CLIP1: variants seen among roughly 807,000 people sequenced by gnomAD.
The protein encoded by CLIP1 is CAP-Gly domain containing linker protein 1, also known as CAP-Gly domain-containing linker protein 1.
CLIP1 carries 66 observed loss-of-function variants against 161.6 expected under a neutral mutation model. The ratio of observed to expected loss-of-function variants is 0.41; its 90% CI spans 0.33 to 0.50. CLIP1 has a LOEUF of 0.50. Among genes scored for constraint, CLIP1 ranks in the 20% least tolerant of loss-of-function variants. The pLI, the probability that CLIP1 is intolerant of heterozygous loss-of-function variation, is 0.27. For missense variants in CLIP1, 1,376 were observed against 1,702.0 expected (o/e 0.81, Z 3.37); for synonymous variants, 598 against 626.2 (o/e 0.96, Z 0.67).
intron 1 of CLIP1, among the ~76,000 whole-genome samples, chr12:122,406,310 G>A (rs1956327326): frequency 6.6e-6 from 1 of 152,156 alleles, no homozygotes; most frequent in Admixed American, 6.6e-5. Context: ...GCCAGGCGTG[G>A]TGGTGCGTGC....
chr12:122,341,727 T>C (rs981406016), intron 10 of CLIP1, 30 bp from the exon 11 acceptor site: 9 of 600,324 alleles, frequency 1.5e-5, no homozygotes, highest in Non-Finnish European at 2.1e-5. Flanking sequence ...GAAAAAAAGA[T>C]CATTTAAATA....
At chr12:122,336,893 A>G (rs1952251088) in intron 11 of CLIP1, 145 bp from the exon 12 acceptor site, 1 of 463,296 alleles carries the variant, frequency 2.2e-6, no homozygotes. Context: ...GTTGGTTTTT[A>G]ATTCTAAGAA....
intron 19 of CLIP1, among the ~76,000 whole-genome samples, chr12:122,316,519 C>T (rs993009730): frequency 6.6e-6 from 1 of 152,078 alleles, no homozygotes; most frequent in African/African-American, 2.4e-5. Context: ...AAAGTCACAT[C>T]TGAATCCCCA....
intron 24 of CLIP1, chr12:122,274,544 T>TTG (rs1555253124): frequency 7.3e-5 from 11 of 151,038 alleles, no homozygotes; most frequent in African/African-American, 2.1e-4. Flanking sequence ...TTGTTTTGTT[T>TTG]TTTTTTTTTT....
At chr12:122,277,421 A>G (rs543641109) in intron 24 of CLIP1, 5 of 151,782 alleles carry the variant, frequency 3.3e-5, no homozygotes, top group African/African-American at 9.7e-5. Context: ...GGCTCAAGCA[A>G]TCATCCCACC....
intron 3 of CLIP1, among the ~76,000 whole-genome samples, chr12:122,372,961 C>T (rs923595962): frequency 8.5e-5 from 13 of 152,138 alleles, no homozygotes; most frequent in African/African-American, 2.4e-4. Context: ...TCTAAGTCAC[C>T]GATAAGAGGA....
rs553260808 is a variant in CLIP1 at position 122,271,719 on chromosome 12, A to G, written c.*1156T>C. The G allele has an allele frequency of 6.5e-6, 1 of 152,794 alleles. No homozygotes were observed. The highest frequency in any genetic ancestry group is 2.1e-4 in the South Asian group (1 of 4,822). 9.5% of individuals were successfully genotyped at this position (152,794 alleles called of 1,614,324 possible). On this transcript the variant is annotated 3_prime_UTR_variant, in exon 26 of 26. Coordinates refer to ENST00000620786, the MANE Select transcript of CLIP1 (RefSeq NM_001247997.2). ...CTAGAAGACATTCAAATGAAGATAA[A>G]TAGATTCAAACTGGTCGATAAACTG...
chr12:122,384,767 T>TA lies in CLIP1; in HGVS notation c.-106-4210dup, dbSNP rs1190488369. 1.1e-3 allele frequency among the ~76,000 whole-genome samples: 134 copies of TA among 127,456 alleles called. No individual in the cohort carries two copies. The East Asian group carries it at 0.011, about 10-fold the overall frequency. 83.6% of individuals were successfully genotyped at this position (127,456 alleles called of 152,430 possible). The stretch of plus-strand genomic sequence containing the variant: ...CAGAGCAAGACTCCATCTCAAAAAA[T>TA]AAAAAAAAAAAATAAAGCGAAATCA... On this transcript the variant is annotated intron_variant, in intron 1 of 25. Coordinates refer to ENST00000620786, the MANE Select transcript of CLIP1 (RefSeq NM_001247997.2).
chr12:122,388,272 C>T (rs867472512), intron 1 of CLIP1, among the ~76,000 whole-genome samples: 73 of 151,086 alleles, frequency 4.8e-4, no homozygotes, highest in South Asian at 1.5e-3. Context: ...CAGGCTGGAG[C>T]GCAGTGGCGC....
chr12:122,360,469 C>A (rs1953721864), intron 5 of CLIP1, among the ~76,000 whole-genome samples: 1 of 151,024 alleles, frequency 6.6e-6, no homozygotes, highest in Non-Finnish European at 1.5e-5. Flanking sequence ...CACCAGTAGT[C>A]CCAACTACTG....
chr12:122,274,493 T>C, intron 24 of CLIP1: 1 of 165,778 alleles, frequency 6.0e-6, no homozygotes, highest in South Asian at 1.7e-4. Flanking sequence ...TTACACTTCA[T>C]TGAATGTTTC....
chr12:122,364,041 A>G lies in CLIP1; in HGVS notation c.724T>C (p.Cys242Arg). The change falls in exon 4 of 26, where the codon TGT (cysteine) becomes CGT (arginine). Residue 242 changes from cysteine (C) to arginine (R), a missense_variant. This residue lies in a region of CLIP1 where 211 missense variants were observed against 295.1 expected (regional missense o/e 0.72). Coordinates refer to ENST00000620786, the MANE Select transcript of CLIP1 (RefSeq NM_001247997.2). ...GETDFAKGEWCGVELDEPLGK... is the reference protein window; with the variant it reads ...GETDFAKGEWRGVELDEPLGK... ...AGTGGCTCATCTAACTCCACGCCAC[A>G]CCACTCCCCCTTGGCAAAGTCGGTC... is the stretch of plus-strand genomic sequence containing the variant. 2 of 1,614,148 alleles carry G rather than the reference A, an allele frequency of 1.2e-6. No homozygotes were observed. The highest frequency in any genetic ancestry group is 1.7e-6 in the Non-Finnish European group (2 of 1,180,020).
intron 20 of CLIP1, among the ~76,000 whole-genome samples, chr12:122,304,022 T>C (rs1475064649): frequency 6.6e-6 from 1 of 152,200 alleles, no homozygotes; most frequent in Non-Finnish European, 1.5e-5. Flanking sequence ...TGCGGACTTA[T>C]TATCACTTGA....
chr12:122,338,943 G>C (rs911914732), intron 11 of CLIP1, among the ~76,000 whole-genome samples: 2 of 152,108 alleles, frequency 1.3e-5, no homozygotes, highest in Non-Finnish European at 2.9e-5. Context: ...ATTTTTTGCT[G>C]TTTGTCAGTC....
chr12:122,316,154 A>G (rs917379608), intron 19 of CLIP1, among the ~76,000 whole-genome samples: 1 of 151,008 alleles, frequency 6.6e-6, no homozygotes, highest in Non-Finnish European at 1.5e-5. Flanking sequence ...GAAGTTCAAG[A>G]CCAAATGTTA....
At chr12:122,289,487 G>A (rs757524695) in intron 20 of CLIP1, among the ~76,000 whole-genome samples, 6 of 151,930 alleles carry the variant, frequency 3.9e-5, no homozygotes, top group South Asian at 2.1e-4. Context: ...TACTTAAACC[G>A]CAGAAGTCAA....
intron 20 of CLIP1, among the ~76,000 whole-genome samples, chr12:122,305,824 T>C (rs370786627): frequency 4.3e-4 from 66 of 151,884 alleles, no homozygotes; most frequent in African/African-American, 1.6e-3. Context: ...TCCCAGCACT[T>C]TGGGAGGCTG....
At chr12:122,364,338 A>T (rs1593170878) in intron 3 of CLIP1, among the ~76,000 whole-genome samples, 2 of 152,132 alleles carry the variant, frequency 1.3e-5, no homozygotes, top group African/African-American at 4.8e-5. Flanking sequence ...CAATAATGAG[A>T]CAGCCAATCT....
At chr12:122,366,922 A>G (rs916465637) in intron 3 of CLIP1, among the ~76,000 whole-genome samples, 4 of 152,218 alleles carry the variant, frequency 2.6e-5, no homozygotes, top group Non-Finnish European at 2.9e-5. Context: ...CATCACCTAT[A>G]TAAAATTGGT....
Sources: allele counts gnomAD v4.1 joint callset (sites outside exome capture counted in the v4.1 genomes callset), GRCh38; gene constraint gnomAD v4.1.1; regional missense constraint gnomAD v4.1.1; transcripts MANE v1.5; gene names NCBI Gene and HGNC (gene_info 2026-07-23, HGNC 2026-07-21).